The following AP1M1 variants were observed in gnomAD, a reference collection of about 807,000 sequenced individuals.
AP1M1 encodes the protein adaptor related protein complex 1 subunit mu 1, also known as AP-1 complex subunit mu-1.
AP1M1 carries 18 observed loss-of-function variants against 57.1 expected under a neutral mutation model. That is an observed-to-expected ratio of 0.32 (90% confidence interval 0.22 to 0.47). The LOEUF (loss-of-function observed/expected upper bound fraction) is 0.47. Among genes scored for constraint, AP1M1 ranks in the 20% least tolerant of loss-of-function variants. The pLI is 1.00. For missense variants in AP1M1, 362 were observed against 593.5 expected, an observed-to-expected ratio of 0.61 and a Z score of 4.05; for synonymous variants, 241 against 237.9, an observed-to-expected ratio of 1.01 and a Z score of -0.12.
intron 5 of AP1M1, among the ~76,000 whole-genome samples, chr19:16,213,453 T>C (rs949994920): frequency 6.6e-6 from 1 of 152,164 alleles, no homozygotes; most frequent in Admixed American, 6.5e-5. Flanking sequence ...TTTTCTCCAT[T>C]TCTTCATTTT....
In AP1M1 at chr19:16,227,458, T is replaced by C; in HGVS notation, c.674-90T>C. ...TCAGTGCGTGGACTGGGGGCCCTGCTCTGCCGGGGTGGGTTGCAGGTGGTA... is the reference window on the plus strand; with the variant it reads ...TCAGTGCGTGGACTGGGGGCCCTGCCCTGCCGGGGTGGGTTGCAGGTGGTA... On this transcript the variant is annotated intron_variant, in intron 6 of 11. Transcript: ENST00000291439. The surrounding 1 kb of genome is among the most constrained non-coding windows in gnomAD (Gnocchi z 6.2). The C allele has an allele frequency of 6.8e-7, 1 of 1,480,844 alleles. No homozygotes were observed. Among genetic ancestry groups the C allele is most frequent in the Non-Finnish European group, 9.3e-7 (1 of 1,077,084 alleles). The allele number at this position is 1,480,844 out of a possible 1,614,324, so 91.7% of individuals were successfully genotyped here.
intron 5 of AP1M1, among the ~76,000 whole-genome samples, chr19:16,218,429 G>A (rs943262069): frequency 3.3e-5 from 5 of 152,210 alleles, no homozygotes; most frequent in African/African-American, 1.2e-4. Flanking sequence ...TGGCAAGAGT[G>A]GGTTGCCCCT....
At chr19:16,208,905 G>A in intron 4 of AP1M1, 125 bp from the exon 5 acceptor site, 1 of 1,151,126 alleles carries the variant, frequency 8.7e-7, no homozygotes, top group Non-Finnish European at 1.2e-6. Context: ...AAATCCAAGG[G>A]CTATTTTCAA....
chr19:16,198,338 G>GGC (rs1389402781), intron 1 of AP1M1: 1 of 237,578 alleles, frequency 4.2e-6, no homozygotes, highest in African/African-American at 2.3e-5. Flanking sequence ...TCTGCTCCCC[G>GGC]GCGCCGGGGC....
chr19:16,219,220 G>A (rs1176531226), intron 5 of AP1M1, among the ~76,000 whole-genome samples: 1 of 151,928 alleles, frequency 6.6e-6, no homozygotes, highest in Non-Finnish European at 1.5e-5. Flanking sequence ...TGCATTCCTG[G>A]AATAAAATCC....
chr19:16,233,157 C>T (rs763874289), intron 9 of AP1M1, among the ~76,000 whole-genome samples: 2 of 152,216 alleles, frequency 1.3e-5, no homozygotes, highest in Non-Finnish European at 2.9e-5. Context: ...GTTCACCAGC[C>T]TTGGAGGAAA....
In AP1M1 at chr19:16,220,244, G is replaced by A. The variant is rs192504728; in HGVS notation, c.547-6177G>A. Among the ~76,000 whole-genome samples, 350 of 152,236 alleles carry A rather than the reference G, an allele frequency of 2.3e-3. 2 individuals are homozygous for A. The highest frequency in any genetic ancestry group is 4.6e-3 in the Admixed American group (71 of 15,282). ...TCTTGAGTCAGGGCTTCGATCTGTT[G>A]CCCAGGCTGGAGGGCAGTAGCGTGA... On this transcript the variant is annotated intron_variant, in intron 5 of 11. Transcript: ENST00000291439.
At chr19:16,218,999 T>C (rs1311804723) in intron 5 of AP1M1, among the ~76,000 whole-genome samples, 1 of 152,164 alleles carries the variant, frequency 6.6e-6, no homozygotes, top group African/African-American at 2.4e-5. Flanking sequence ...ATGTTAGCTG[T>C]AGGTTTATTA....
chr19:16,237,727 T>G lies in AP1M1; in HGVS notation c.*3292T>G, dbSNP rs2091630485. ...TCCAGCCTGGGCAACAGAGCAAGAC[T>G]TCATCTCAAAAGAAAAAAAAAAGGC... On this transcript the variant is annotated 3_prime_UTR_variant, in exon 12 of 12. Coordinates refer to ENST00000291439, the MANE Select transcript of AP1M1 (RefSeq NM_032493.4). 6.6e-6 allele frequency: 1 copy of G among 151,678 alleles called. No homozygotes were observed. The highest frequency in any genetic ancestry group is 1.5e-5 in the Non-Finnish European group (1 of 67,928). The allele number at this position is 151,678 out of a possible 1,614,324, so 9.4% of individuals were successfully genotyped here.
chr19:16,234,012 G>C, intron 10 of AP1M1, 187 bp from the exon 11 acceptor site: 1 of 613,450 alleles, frequency 1.6e-6, no homozygotes, highest in Non-Finnish European at 2.7e-6. Context: ...ACCACTTCCA[G>C]AGGCGGCTCT....
intron 5 of AP1M1, among the ~76,000 whole-genome samples, chr19:16,220,576 A>G (rs1256233874): frequency 6.6e-6 from 1 of 152,136 alleles, no homozygotes; most frequent in Non-Finnish European, 1.5e-5. Flanking sequence ...TTTTTGGTAG[A>G]GACAGGATTT....
intron 1 of AP1M1, chr19:16,198,369 G>A (rs2145107244): frequency 4.9e-6 from 1 of 203,994 alleles, no homozygotes. Flanking sequence ...GGCCTCGGTG[G>A]AGGACCCAGA....
intron 10 of AP1M1, 85 bp from the exon 11 acceptor site, chr19:16,234,114 C>T (rs1280961656): frequency 5.1e-6 from 7 of 1,381,832 alleles, no homozygotes; most frequent in Non-Finnish European, 6.9e-6. Context: ...CCTGCCAGCC[C>T]CAGGCTGCCC....
intron 5 of AP1M1, among the ~76,000 whole-genome samples, chr19:16,215,825 T>C (rs113493300): frequency 8.6e-4 from 131 of 152,328 alleles, no homozygotes; most frequent in Non-Finnish European, 1.5e-3. Context: ...ATTTGCTCTC[T>C]TTTTTAATCC....
intron 5 of AP1M1, among the ~76,000 whole-genome samples, chr19:16,219,242 G>C (rs929901162): frequency 2.6e-5 from 4 of 152,088 alleles, no homozygotes; most frequent in Non-Finnish European, 4.4e-5. Flanking sequence ...ATTGGTCATA[G>C]TGTATTATAG....
rs565744412 is a variant in AP1M1 at position 16,206,211 on chromosome 19, G to A, written c.200-130G>A. On this transcript the variant is annotated intron_variant, in intron 2 of 11. Transcript: ENST00000291439. The surrounding 1 kb of genome is among the most constrained non-coding windows in gnomAD (Gnocchi z 4.3). ...AGCTTTGTAGCCCACCATGGGCCAA[G>A]TAAACGGCTGGGAGTGGGGATAGGG... 1 of 928,692 alleles carries A rather than the reference G, an allele frequency of 1.1e-6. No individual in the cohort carries two copies. The highest frequency in any genetic ancestry group is 1.7e-6 in the Non-Finnish European group (1 of 597,828). The allele number at this position is 928,692 out of a possible 1,614,324, so 57.5% of individuals were successfully genotyped here. A position where few individuals can be genotyped will look rare whatever the true frequency, so the allele number is the denominator to read the frequency against.
rs1323955164 is a variant in AP1M1 at position 16,206,967 on chromosome 19, G to A, written c.267+559G>A. Among the ~76,000 whole-genome samples the A allele has an allele frequency of 6.6e-6, 1 of 152,182 alleles. No homozygotes were observed. The highest frequency in any genetic ancestry group is 1.5e-5 in the Non-Finnish European group (1 of 68,036). On this transcript the variant is annotated intron_variant, in intron 3 of 11. Coordinates refer to ENST00000291439, the MANE Select transcript of AP1M1 (RefSeq NM_032493.4). This position sits in a 1 kb window ranked among gnomAD's most constrained non-coding sequence, Gnocchi z 4.3. ...GGCTGAGGTCAGCTGGGAAGAGGGC[G>A]GATTATACAGGAGTGTGGATTTCAT...
chr19:16,206,502 G>T lies in AP1M1; in HGVS notation c.267+94G>T. The T allele has an allele frequency of 7.3e-7, 1 of 1,360,966 alleles. No homozygotes were observed. The allele number at this position is 1,360,966 out of a possible 1,614,324, so 84.3% of individuals were successfully genotyped here. ...ATACCTGGCCACCCTACAGAGAGCT[G>T]TGGCATCCCCAGGGAGCACTGGGGC... is the stretch of plus-strand genomic sequence containing the variant. On this transcript the variant is annotated intron_variant, in intron 3 of 11. Coordinates refer to ENST00000291439, the MANE Select transcript of AP1M1 (RefSeq NM_032493.4). This position sits in a 1 kb window ranked among gnomAD's most constrained non-coding sequence, Gnocchi z 4.3.
Position 16,244,961 on chromosome 19 carries a change from G to C in AP1M1, c.*10526G>C, listed in dbSNP as rs1301711346. The C allele has an allele frequency of 6.6e-6, 1 of 151,796 alleles. No individual in the cohort carries two copies. The highest frequency in any genetic ancestry group is 1.5e-5 in the Non-Finnish European group (1 of 68,104). The allele number at this position is 151,796 out of a possible 1,614,324, so 9.4% of individuals were successfully genotyped here. A position where few individuals can be genotyped will look rare whatever the true frequency, so the allele number is the denominator to read the frequency against. On this transcript the variant is annotated 3_prime_UTR_variant, in exon 12 of 12. Transcript: ENST00000291439. Reference sequence around the variant, plus strand: ...TGCCCAGGCTGGAGTGCAATGGCGCGGTCTTTGCTCACTGCAACCTCTGCA... The same window carrying C: ...TGCCCAGGCTGGAGTGCAATGGCGCCGTCTTTGCTCACTGCAACCTCTGCA...
Sources: gnomAD v4.1 joint callset for allele counts (sites outside exome capture counted in the v4.1 genomes callset) on GRCh38, gnomAD v4.1.1 for gene constraint, Gnocchi (gnomAD v3.1) non-coding constraint, MANE v1.5 for transcripts, NCBI Gene and HGNC (gene_info 2026-07-23, HGNC 2026-07-21) for gene names.